Variants in C4orf17 observed in about 807,000 individuals in gnomAD.
C4orf17 encodes the protein chromosome 4 open reading frame 17, also known as uncharacterized protein C4orf17.
A neutral mutation model predicts 32.0 loss-of-function variants in C4orf17; 25 were observed. The ratio of observed to expected loss-of-function variants is 0.78; its 90% CI spans 0.57 to 1.09. The LOEUF is 1.09. Ranked by LOEUF, C4orf17 falls within the 50% of genes least tolerant of loss-of-function variation. C4orf17 has a pLI of 0.00. For synonymous variants in C4orf17, 149 were observed against 145.8 expected, an observed-to-expected ratio of 1.02 and a Z score of -0.16; for missense variants, 420 against 420.0, an observed-to-expected ratio of 1.00 and a Z score of 0.00.
intron 2 of C4orf17, chr4:99,519,399 C>T (rs1020592104): frequency 6.6e-6 from 1 of 152,130 alleles, no homozygotes; most frequent in Admixed American, 6.5e-5. Flanking sequence ...AATTACCACA[C>T]CTTATGGTGT....
At chr4:99,540,334 A>T in intron 7 of C4orf17, 78 bp from the exon 8 acceptor site, 1 of 998,122 alleles carries the variant, frequency 1.0e-6, no homozygotes, top group Non-Finnish European at 1.6e-6. Context: ...CACTGAACTT[A>T]TTGATGACAG....
At chr4:99,519,529 C>T (rs761589453) in intron 2 of C4orf17, among the ~76,000 whole-genome samples, 36 of 152,174 alleles carry the variant, frequency 2.4e-4, no homozygotes, top group Admixed American at 1.2e-3. Flanking sequence ...GGAGTAGTTG[C>T]CACAAGTGAG....
At chr4:99,524,636 CCT>C (rs760215254) in intron 4 of C4orf17, 51 bp downstream of exon 4, 4 of 1,149,876 alleles carry the variant, frequency 3.5e-6, no homozygotes, top group Non-Finnish European at 5.1e-6. Context: ...TCTATAAGTT[CCT>C]CTCCTTTTCT....
chr4:99,531,077 C>A (rs979853235), intron 5 of C4orf17, among the ~76,000 whole-genome samples: 1 of 151,870 alleles, frequency 6.6e-6, no homozygotes, highest in African/African-American at 2.4e-5. Context: ...TCTAACCATC[C>A]AATCTAAAGT....
chr4:99,518,504 A>T (rs1311269060), intron 2 of C4orf17, among the ~76,000 whole-genome samples: 8 of 68,742 alleles, frequency 1.2e-4, no homozygotes, highest in Non-Finnish European at 2.0e-4. Flanking sequence ...AAAAAAAAAA[A>T]AAAAAAAAAA....
At chr4:99,536,580 C>T (rs1723566111) in intron 5 of C4orf17, among the ~76,000 whole-genome samples, 1 of 152,166 alleles carries the variant, frequency 6.6e-6, no homozygotes, top group South Asian at 2.1e-4. Flanking sequence ...AGCCAGCAGG[C>T]TAGAACAGCT....
intron 3 of C4orf17, among the ~76,000 whole-genome samples, chr4:99,523,174 C>T (rs1028914209): frequency 6.6e-6 from 1 of 152,152 alleles, no homozygotes; most frequent in African/African-American, 2.4e-5. Context: ...GGTCCCAGCA[C>T]AGTGCCTGGT....
chr4:99,539,095 CT>C, intron 6 of C4orf17, 67 bp from the exon 7 acceptor site: 2 of 1,369,690 alleles, frequency 1.5e-6, no homozygotes, highest in Non-Finnish European at 2.1e-6. Flanking sequence ...CTGGATATTC[CT>C]GTGTTTCTAT....
chr4:99,523,365 G>T (rs1382036220), intron 3 of C4orf17, among the ~76,000 whole-genome samples: 1 of 151,978 alleles, frequency 6.6e-6, no homozygotes, highest in African/African-American at 2.4e-5. Context: ...AAAACTATCA[G>T]GACACATGAA....
intron 4 of C4orf17, among the ~76,000 whole-genome samples, chr4:99,525,756 C>G (rs1235904189): frequency 6.6e-6 from 1 of 150,502 alleles, no homozygotes; most frequent in African/African-American, 2.4e-5. Context: ...GAGATGGTGC[C>G]ACTGCACTGC....
intron 4 of C4orf17, among the ~76,000 whole-genome samples, chr4:99,526,651 C>CTTTTTTTTTT (rs145120945): frequency 5.1e-5 from 7 of 137,606 alleles, no homozygotes; most frequent in Non-Finnish European, 4.8e-5. Flanking sequence ...CTTTTCTTTT[C>CTTTTTTTTTT]TTTTTTTTTT....
intron 2 of C4orf17, among the ~76,000 whole-genome samples, chr4:99,514,850 C>A (rs1011263235): frequency 6.6e-6 from 1 of 152,126 alleles, no homozygotes; most frequent in African/African-American, 2.4e-5. Flanking sequence ...GATATGGAAC[C>A]AACCTAAGTG....
rs1324394853 is a variant in C4orf17 at position 99,534,231 on chromosome 4, G to A, written c.547-3438G>A. Among the ~76,000 whole-genome samples, 6 of 152,284 alleles carry A rather than the reference G, an allele frequency of 3.9e-5. No individual in the cohort carries two copies. In the South Asian group the frequency reaches 1.0e-3, roughly 26 times the overall value. On this transcript the variant is annotated intron_variant, in intron 5 of 8. Transcript: ENST00000326581. ...AGCTCCCACTTATAAGTGAGAACAT[G>A]TGGTGTTTGGTTTTCTGTTCCTTCA... is the stretch of plus-strand genomic sequence containing the variant.
chr4:99,518,502 A>T (rs1560585424), intron 2 of C4orf17, among the ~76,000 whole-genome samples: 6 of 66,270 alleles, frequency 9.1e-5, no homozygotes, highest in Non-Finnish European at 1.6e-4. Context: ...AAAAAAAAAA[A>T]AAAAAAAAAA....
chr4:99,528,757 C>G (rs1001510369), intron 4 of C4orf17, among the ~76,000 whole-genome samples: 21 of 152,132 alleles, frequency 1.4e-4, no homozygotes, highest in Admixed American at 3.3e-4. Context: ...CATCAGATCT[C>G]ATGAGAACTC....
intron 5 of C4orf17, among the ~76,000 whole-genome samples, chr4:99,536,791 T>C (rs1215281246): frequency 2.0e-5 from 3 of 152,188 alleles, no homozygotes; most frequent in Non-Finnish European, 4.4e-5. Flanking sequence ...ATGTTCCTAC[T>C]AGAAGATGTT....
chr4:99,514,286 C>T (rs1224747355), intron 2 of C4orf17, among the ~76,000 whole-genome samples: 1 of 152,050 alleles, frequency 6.6e-6, no homozygotes, highest in Non-Finnish European at 1.5e-5. Context: ...AAAAGCTTCT[C>T]CACAGCAAAA....
intron 3 of C4orf17, among the ~76,000 whole-genome samples, 158 bp downstream of exon 3, chr4:99,522,867 C>A (rs1017208017): frequency 6.6e-6 from 1 of 152,062 alleles, no homozygotes; most frequent in African/African-American, 2.4e-5. Flanking sequence ...TTTCACTCTT[C>A]TAATCTCATC....
At chr4:99,525,263 G>A (rs1723367356) in intron 4 of C4orf17, among the ~76,000 whole-genome samples, 1 of 152,136 alleles carries the variant, frequency 6.6e-6, no homozygotes, top group Non-Finnish European at 1.5e-5. Flanking sequence ...TTTCCAAAAT[G>A]ATTGTCCCAT....
Sources: gnomAD v4.1 joint callset for allele counts (sites outside exome capture counted in the v4.1 genomes callset) on GRCh38, gnomAD v4.1.1 for gene constraint, MANE v1.5 for transcripts, NCBI Gene and HGNC (gene_info 2026-07-23, HGNC 2026-07-21) for gene names.